The following RSU1 variants were observed in gnomAD, a reference collection of about 807,000 sequenced individuals.
RSU1 encodes the protein rsu-1.
A neutral mutation model predicts 31.1 loss-of-function variants in RSU1; 26 were observed. The ratio of observed to expected loss-of-function variants is 0.84; its 90% CI spans 0.61 to 1.16. The LOEUF is 1.16. Ranked by LOEUF, RSU1 falls within the 50% of genes most tolerant of loss-of-function variation. The probability of loss-of-function intolerance (pLI) is 0.00; values close to 1 mark genes in which losing one functional copy is unlikely to be tolerated. For missense variants in RSU1, 320 were observed against 339.1 expected (o/e 0.94, Z 0.44); for synonymous variants, 164 against 136.3 (o/e 1.20, Z -1.41).
chr10:16,600,651 C>G (rs139610353), intron 8 of RSU1, among the ~76,000 whole-genome samples: 4 of 151,880 alleles, frequency 2.6e-5, no homozygotes, highest in African/African-American at 9.7e-5. Context: ...CAGCATTGAC[C>G]GCTGTGCTCA....
intron 8 of RSU1, among the ~76,000 whole-genome samples, chr10:16,608,391 G>A (rs1157722610): frequency 2.0e-5 from 3 of 151,662 alleles, no homozygotes; most frequent in African/African-American, 7.3e-5. Flanking sequence ...AAATCCTTAG[G>A]AATCAACGCC....
At position 16,695,014 on chromosome 10, in the gene RSU1, T is replaced by G. The variant is rs1393621088; in HGVS notation, c.731+9A>C. ...AGTCTACTATTTCAGAAAATCAGAG[T>G]CTACTTACTATTTGTATGTCTCAGA... On this transcript the variant is annotated intron_variant, in intron 8 of 8. Transcript: ENST00000345264. 6.2e-7 allele frequency: 1 copy of G among 1,601,542 alleles called. No homozygotes were observed. Among genetic ancestry groups the G allele is most frequent in the Non-Finnish European group, 8.5e-7 (1 of 1,175,304 alleles).
intron 8 of RSU1, among the ~76,000 whole-genome samples, chr10:16,631,852 G>C (rs565578684): frequency 2.0e-5 from 3 of 152,244 alleles, no homozygotes; most frequent in African/African-American, 7.2e-5. Flanking sequence ...AGCACAGAGG[G>C]GGCACCCCAG....
chr10:16,595,103 C>T (rs2131450708), intron 8 of RSU1, among the ~76,000 whole-genome samples: 1 of 151,480 alleles, frequency 6.6e-6, no homozygotes, highest in Admixed American at 6.6e-5. Context: ...TTTTAATAGA[C>T]ATGGGGTCTC....
At chr10:16,781,814 T>C (rs10904806) in intron 3 of RSU1, among the ~76,000 whole-genome samples, 36,768 of 152,042 alleles carry the variant, frequency 0.24, 4,866 homozygotes, top group African/African-American at 0.34. Flanking sequence ...CGGCAAGACC[T>C]TGTCTCAAAA....
At chr10:16,593,530 AT>A in intron 8 of RSU1, 34 bp from the exon 9 acceptor site, 2 of 1,548,636 alleles carry the variant, frequency 1.3e-6, no homozygotes, top group Non-Finnish European at 1.8e-6. Context: ...TATCAGATCT[AT>A]TTTGCCAACA....
chr10:16,668,016 T>A (rs376231647), intron 8 of RSU1, among the ~76,000 whole-genome samples: 1 of 152,180 alleles, frequency 6.6e-6, no homozygotes, highest in African/African-American at 2.4e-5. Flanking sequence ...ATTCTGATAA[T>A]AGAATAACTG....
chr10:16,602,536 C>T (rs1833730299), intron 8 of RSU1, among the ~76,000 whole-genome samples: 1 of 152,190 alleles, frequency 6.6e-6, no homozygotes, highest in African/African-American at 2.4e-5. Flanking sequence ...TTCTGCAGGG[C>T]AGGGAGTGCA....
At chr10:16,807,301 A>C (rs1838294118) in intron 2 of RSU1, among the ~76,000 whole-genome samples, 1 of 152,222 alleles carries the variant, frequency 6.6e-6, no homozygotes, top group African/African-American at 2.4e-5. Flanking sequence ...TAATTAATGG[A>C]TATGCAAAGA....
chr10:16,626,326 C>G (rs1298502715), intron 8 of RSU1, among the ~76,000 whole-genome samples: 1 of 151,954 alleles, frequency 6.6e-6, no homozygotes, highest in East Asian at 1.9e-4. Context: ...GCTGGGGCCA[C>G]AGGTGCATGC....
intron 7 of RSU1, among the ~76,000 whole-genome samples, chr10:16,700,600 G>A (rs1252270785): frequency 6.6e-6 from 1 of 152,164 alleles, no homozygotes. Context: ...TCATGTGCTA[G>A]GCTACTAATT....
rs757837714 is a variant in RSU1, at chr10:16,730,082, G to A, written c.598+22457C>T. Among the ~76,000 whole-genome samples the A allele has an allele frequency of 1.8e-4, 27 of 152,284 alleles. No individual in the cohort carries two copies. The Middle Eastern group carries it at 0.017, about 96-fold the overall frequency. On this transcript the variant is annotated intron_variant, in intron 7 of 8. Coordinates refer to ENST00000345264, the MANE Select transcript of RSU1 (RefSeq NM_012425.4). ...TCCGCTCAAGGCAGAAGGGGAAGGG[G>A]AGCTGTTGTGTATAGATGACAGCGA...
At position 16,693,952 on chromosome 10, in the gene RSU1, T is replaced by C. The variant is rs553212037; in HGVS notation, c.731+1071A>G. On this transcript the variant is annotated intron_variant, in intron 8 of 8. Transcript: ENST00000345264. ...TTACATTTGAGTAGGGATGTTTTTG[T>C]CTTTTTTGTATATGCTTAAAATTAT... Among the ~76,000 whole-genome samples, 24 of 152,278 alleles carry C rather than the reference T, an allele frequency of 1.6e-4. 1 individual carries two copies. The South Asian group carries it at 5.0e-3, about 32-fold the overall frequency.
At chr10:16,803,321 G>A (rs769077194) in intron 2 of RSU1, among the ~76,000 whole-genome samples, 39 of 152,112 alleles carry the variant, frequency 2.6e-4, no homozygotes, top group Non-Finnish European at 5.4e-4. Context: ...AGCTCTATAT[G>A]AGAAAAGCTT....
At chr10:16,732,717 A>G (rs1171039109) in intron 7 of RSU1, among the ~76,000 whole-genome samples, 1 of 152,242 alleles carries the variant, frequency 6.6e-6, no homozygotes, top group African/African-American at 2.4e-5. Flanking sequence ...TACTGCAGTG[A>G]CACCTGGTGT....
At chr10:16,692,991 A>G (rs1390993034) in intron 8 of RSU1, among the ~76,000 whole-genome samples, 1 of 151,946 alleles carries the variant, frequency 6.6e-6, no homozygotes, top group African/African-American at 2.4e-5. Flanking sequence ...GGGATGGAAT[A>G]TTGCTCTGTC....
At chr10:16,644,998 G>T (rs1834509540) in intron 8 of RSU1, among the ~76,000 whole-genome samples, 1 of 152,106 alleles carries the variant, frequency 6.6e-6, no homozygotes, top group South Asian at 2.1e-4. Context: ...TAATAGCTCT[G>T]ATTTCTCAAC....
chr10:16,730,791 T>C (rs1836492810), intron 7 of RSU1, among the ~76,000 whole-genome samples: 1 of 152,210 alleles, frequency 6.6e-6, no homozygotes, highest in Non-Finnish European at 1.5e-5. Context: ...TATGTGAATA[T>C]TCTCTGTAAC....
chr10:16,791,705 T>G (rs1366643338), intron 2 of RSU1, among the ~76,000 whole-genome samples: 1 of 151,494 alleles, frequency 6.6e-6, no homozygotes, highest in Non-Finnish European at 1.5e-5. Flanking sequence ...TCTAGATAAC[T>G]CATGGAAGCA....
Sources: allele counts gnomAD v4.1 joint callset (sites outside exome capture counted in the v4.1 genomes callset), GRCh38; gene constraint gnomAD v4.1.1; transcripts MANE v1.5; gene names NCBI Gene and HGNC (gene_info 2026-07-23, HGNC 2026-07-21).